The following SGCD variants were observed in gnomAD, a reference collection of about 807,000 sequenced individuals.
The protein encoded by SGCD is sarcoglycan delta.
Under a neutral mutation model 36.6 loss-of-function variants are expected in SGCD, and 18 were observed. The ratio of observed to expected loss-of-function variants is 0.49; its 90% CI spans 0.34 to 0.73. SGCD has a LOEUF of 0.73. Among genes scored for constraint, SGCD ranks in the 30% least tolerant of loss-of-function variants. SGCD has a pLI of 0.01. For synonymous variants in SGCD, 133 were observed against 130.6 expected (o/e 1.02, Z -0.12); for missense variants, 387 against 346.7 (o/e 1.12, Z -0.92).
chr5:156,515,683 G>A (rs992724230), intron 4 of SGCD, among the ~76,000 whole-genome samples: 29 of 152,350 alleles, frequency 1.9e-4, no homozygotes, highest in African/African-American at 6.0e-4. Flanking sequence ...ACGCCACCAG[G>A]GTCTTGGGAC....
intron 1 of SGCD, among the ~76,000 whole-genome samples, chr5:155,977,218 A>G (rs1444785040): frequency 6.6e-6 from 1 of 152,048 alleles, no homozygotes; most frequent in African/African-American, 2.4e-5. Flanking sequence ...TGAGTTGTTG[A>G]TTCCTGCCGC....
intron 1 of SGCD, among the ~76,000 whole-genome samples, chr5:155,910,616 G>A (rs115189539): frequency 6.6e-6 from 1 of 152,076 alleles, no homozygotes; most frequent in Non-Finnish European, 1.5e-5. Flanking sequence ...TAGCAAATTT[G>A]AGTGAGCCAG....
chr5:155,812,469 A>C, the SGCD span, among the ~76,000 whole-genome samples: 1 of 152,134 alleles, frequency 6.6e-6, no homozygotes, highest in African/African-American at 2.4e-5. Flanking sequence ...GGAGCATTTC[A>C]TCTTTTATTC....
chr5:156,096,621 T>C (rs1261623333), intron 1 of SGCD, among the ~76,000 whole-genome samples: 1 of 152,198 alleles, frequency 6.6e-6, no homozygotes, highest in African/African-American at 2.4e-5. Context: ...GGGAGAATTC[T>C]ATAGGTCCCT....
intron 3 of SGCD, among the ~76,000 whole-genome samples, chr5:156,448,624 T>C (rs559358398): frequency 2.0e-5 from 3 of 152,138 alleles, no homozygotes; most frequent in Admixed American, 2.0e-4. Flanking sequence ...CTTACCCTCT[T>C]GGCAGTTGCC....
chr5:156,757,632 A>T lies in SGCD; in HGVS notation c.627A>T (p.Glu209Asp), dbSNP rs755948768. Residue 209 changes from glutamate (E) to aspartate (D), a missense_variant, in exon 8 of 9, where the codon GAA becomes GAT. By Grantham distance (45) the Glu-to-Asp change is conservative. Transcript: ENST00000337851. Reference protein sequence around the residue: ...SLVMEAPKGVEINAEAGNMEA... With the variant: ...SLVMEAPKGVDINAEAGNMEA... ...TGATGGAGGCCCCAAAAGGAGTGGA[A>T]ATCAATGCAGAAGCTGGCAATATGG... 4.3e-6 allele frequency: 7 copies of T among 1,611,542 alleles called. No individual in the cohort carries two copies. The highest frequency in any genetic ancestry group is 5.9e-6 in the Non-Finnish European group (7 of 1,178,964).
At chr5:156,394,439 T>A (rs914853691) in intron 3 of SGCD, among the ~76,000 whole-genome samples, 2 of 152,074 alleles carry the variant, frequency 1.3e-5, no homozygotes, top group African/African-American at 4.8e-5. Context: ...GAAGAGACAA[T>A]ACGAGAGATT....
In SGCD at chr5:156,763,235, T is replaced by C. The variant is rs528838126; in HGVS notation, c.*3845T>C. ...GGCTCTTTCTGCTGTCTATATTCAT[T>C]AAAGTTTTCCACTTCACCCTCCCAT... On this transcript the variant is annotated 3_prime_UTR_variant, in exon 9 of 9. Transcript: ENST00000337851. The C allele has an allele frequency of 1.4e-3, 214 of 152,750 alleles. No individual in the cohort carries two copies. Among genetic ancestry groups the C allele is most frequent in the Non-Finnish European group, 2.7e-3 (181 of 68,052 alleles). The allele number at this position is 152,750 out of a possible 1,614,324, so 9.5% of individuals were successfully genotyped here. A position where few individuals can be genotyped will look rare whatever the true frequency, so the allele number is the denominator to read the frequency against.
At chr5:155,861,634 C>A in the SGCD span, among the ~76,000 whole-genome samples, 6 of 152,182 alleles carry the variant, frequency 3.9e-5, no homozygotes, top group African/African-American at 1.4e-4. Context: ...AGGAGAATCT[C>A]TTGAACCCAG....
intron 1 of SGCD, among the ~76,000 whole-genome samples, chr5:156,076,407 T>C (rs916101950): frequency 1.3e-5 from 2 of 152,284 alleles, no homozygotes; most frequent in Admixed American, 6.5e-5. Context: ...ATGTAGTGTA[T>C]GATATAAAAC....
intron 7 of SGCD, among the ~76,000 whole-genome samples, chr5:156,754,506 A>G (rs1052734651): frequency 2.0e-5 from 3 of 152,248 alleles, no homozygotes; most frequent in Non-Finnish European, 4.4e-5. Context: ...GGTTTTAGAA[A>G]TTTAAGCATT....
intron 1 of SGCD, among the ~76,000 whole-genome samples, chr5:156,030,996 C>A (rs982360513): frequency 6.6e-6 from 1 of 152,118 alleles, no homozygotes; most frequent in Admixed American, 6.5e-5. Context: ...GGGCAGAAGG[C>A]CTCCAGTAGC....
chr5:156,068,112 T>A (rs1028336807), intron 1 of SGCD, among the ~76,000 whole-genome samples: 1 of 145,522 alleles, frequency 6.9e-6, no homozygotes, highest in Non-Finnish European at 1.5e-5. Flanking sequence ...TTATTTTTAT[T>A]TTATTTTATT....
chr5:156,572,809 A>T (rs1020151492), intron 4 of SGCD, among the ~76,000 whole-genome samples: 2 of 152,164 alleles, frequency 1.3e-5, no homozygotes, highest in East Asian at 3.9e-4. Context: ...TATAATGTAG[A>T]CATTAGCTAG....
chr5:156,104,756 T>C (rs568996081), intron 1 of SGCD, among the ~76,000 whole-genome samples: 2 of 152,340 alleles, frequency 1.3e-5, no homozygotes, highest in South Asian at 4.1e-4. Flanking sequence ...TAGTTCTTTC[T>C]GGGCAAGTCC....
At chr5:156,088,911 C>T (rs1270840703) in intron 1 of SGCD, among the ~76,000 whole-genome samples, 5 of 152,046 alleles carry the variant, frequency 3.3e-5, no homozygotes, top group Admixed American at 6.6e-5. Flanking sequence ...CCCATGGTTT[C>T]GTTCTGGACA....
chr5:156,599,953 C>T (rs1255845421), intron 6 of SGCD, among the ~76,000 whole-genome samples: 1 of 152,166 alleles, frequency 6.6e-6, no homozygotes, highest in Admixed American at 6.5e-5. Context: ...CTGAACTACA[C>T]AGTGTGTGTA....
chr5:156,086,616 A>G lies in SGCD; in HGVS notation c.-281-31262A>G, dbSNP rs192767225. ...CACAGTCAGGTTGTAAATTAACTGC[A>G]GTCTTCAGATAACTGCCTAGTGGGG... On this transcript the variant is annotated intron_variant, in intron 1 of 9. Coordinates refer to the SGCD transcript ENST00000517913. 7.9e-4 allele frequency among the ~76,000 whole-genome samples: 121 copies of G among 152,338 alleles called. 1 individual carries two copies. The highest frequency in any genetic ancestry group is 3.4e-3 in the Middle Eastern group (1 of 294).
At chr5:156,464,639 A>G (rs1467334578) in intron 3 of SGCD, among the ~76,000 whole-genome samples, 2 of 152,160 alleles carry the variant, frequency 1.3e-5, no homozygotes, top group East Asian at 1.9e-4. Context: ...AATCAAAGCA[A>G]TGGTAAGAAA....
Sources: gnomAD v4.1 joint callset for allele counts (sites outside exome capture counted in the v4.1 genomes callset) on GRCh38, gnomAD v4.1.1 for gene constraint, MANE v1.5 for transcripts, NCBI Gene and HGNC (gene_info 2026-07-23, HGNC 2026-07-21) for gene names.